Variants in CTU2 observed in about 807,000 individuals in gnomAD.
CTU2 encodes the protein cytosolic thiouridylase subunit 2.
Under a neutral mutation model 64.1 loss-of-function variants are expected in CTU2, and 80 were observed. The ratio of observed to expected loss-of-function variants is 1.25; its 90% CI spans 1.04 to 1.50. CTU2 has a LOEUF of 1.50. CTU2 is among the 40% of genes most tolerant of loss of function. CTU2 has a pLI of 0.00. For synonymous variants in CTU2, 482 were observed against 285.3 expected (o/e 1.69, Z -6.95); for missense variants, 1,110 against 690.2 (o/e 1.61, Z -6.81).
At chr16:88,708,366 C>A (rs1416208666) in intron 2 of CTU2, among the ~76,000 whole-genome samples, 1 of 152,202 alleles carries the variant, frequency 6.6e-6, no homozygotes, top group Non-Finnish European at 1.5e-5. Context: ...CCTTGGCCTT[C>A]CCTGACCCAC....
At chr16:88,711,545 G>C (rs1911319274) in intron 4 of CTU2, 90 bp from the exon 5 acceptor site, 1 of 1,268,804 alleles carries the variant, frequency 7.9e-7, no homozygotes, top group African/African-American at 1.5e-5. Context: ...TTCCAAGATG[G>C]CATTAAATCC....
At chr16:88,708,676 C>T (rs1474317901) in intron 2 of CTU2, among the ~76,000 whole-genome samples, 2 of 152,112 alleles carry the variant, frequency 1.3e-5, no homozygotes, top group Non-Finnish European at 2.9e-5. Context: ...GTCATTCGGC[C>T]TCTTGTACGT....
In CTU2 at chr16:88,714,365, C is replaced by G. The variant is rs756904891; in HGVS notation, c.1098-18C>G. The G allele has an allele frequency of 6.2e-7, 1 of 1,612,014 alleles. No individual in the cohort carries two copies. Among genetic ancestry groups the G allele is most frequent in the South Asian group, 1.1e-5 (1 of 91,066 alleles). The stretch of plus-strand genomic sequence containing the variant: ...CAGCCCGTGTGATTCACCTGCTCCT[C>G]CCACAATCCGGCCACAGGACAAGTG... On this transcript the variant is annotated intron_variant, in intron 10 of 14. Coordinates refer to ENST00000453996, the MANE Select transcript of CTU2 (RefSeq NM_001012759.3).
chr16:88,712,540 C>A, intron 6 of CTU2, 82 bp from the exon 7 acceptor site: 2 of 1,545,108 alleles, frequency 1.3e-6, no homozygotes, highest in Non-Finnish European at 1.7e-6. Context: ...CTGCCGTCTC[C>A]CGCATCCCGG....
At chr16:88,708,251 C>T (rs1018116367) in intron 2 of CTU2, among the ~76,000 whole-genome samples, 5 of 152,206 alleles carry the variant, frequency 3.3e-5, no homozygotes, top group Middle Eastern at 3.2e-3. Context: ...GCTGTGCTTG[C>T]TGGTCCCAAG....
intron 2 of CTU2, among the ~76,000 whole-genome samples, chr16:88,708,761 C>T (rs1046183991): frequency 2.5e-4 from 38 of 152,062 alleles, no homozygotes; most frequent in Non-Finnish European, 4.4e-4. Flanking sequence ...ACTTAGAGCC[C>T]CAGGTGCAGG....
At chr16:88,710,428 G>C (rs577208533) in intron 4 of CTU2, 146 bp downstream of exon 4, 13 of 725,164 alleles carry the variant, frequency 1.8e-5, no homozygotes, top group South Asian at 1.6e-4. Context: ...TCTCAGATGT[G>C]TTCACAACAG....
At chr16:88,706,952 C>G in intron 1 of CTU2, 184 bp from the exon 2 acceptor site, 4 of 607,782 alleles carry the variant, frequency 6.6e-6, no homozygotes, top group South Asian at 2.2e-5. Flanking sequence ...GGCTAAACAT[C>G]CCCCCAGAGC....
chr16:88,711,492 G>A (rs756017339), intron 4 of CTU2, 143 bp from the exon 5 acceptor site: 179 of 815,064 alleles, frequency 2.2e-4, no homozygotes, highest in Middle Eastern at 4.9e-4. Context: ...AGTCTGAATG[G>A]CTTTGTCCAA....
rs75686921 is a variant in CTU2, at chr16:88,714,233, G to C, written c.1097+6G>C. ...ACTGTCAGCACTGTGTACAGGTGTG[G>C]GTGTGTGTGGGTGTGTGCGGGGGGT... is the stretch of plus-strand genomic sequence containing the variant. On this transcript the variant is annotated splice_donor_region_variant and intron_variant, in intron 10 of 14. Transcript: ENST00000453996. 2 of 1,424,804 alleles carry C rather than the reference G, an allele frequency of 1.4e-6. No homozygotes were observed. The highest frequency in any genetic ancestry group is 3.2e-5 in the African/African-American group (1 of 31,196). 88.3% of individuals were successfully genotyped at this position (1,424,804 alleles called of 1,614,324 possible). A position where few individuals can be genotyped will look rare whatever the true frequency, so the allele number is the denominator to read the frequency against.
At chr16:88,709,844 G>A (rs1911172448) in intron 2 of CTU2, 94 bp from the exon 3 acceptor site, 4 of 1,018,714 alleles carry the variant, frequency 3.9e-6, no homozygotes, top group Non-Finnish European at 6.1e-6. Context: ...TAAAGATGGA[G>A]ATTGGCAAAG....
chr16:88,714,061 C>T (rs1911629711), intron 9 of CTU2, 75 bp from the exon 10 acceptor site: 1 of 1,415,660 alleles, frequency 7.1e-7, no homozygotes, highest in Admixed American at 1.7e-5. Flanking sequence ...CCCACGGCAC[C>T]TGTCCTGGGG....
intron 2 of CTU2, 164 bp from the exon 3 acceptor site, chr16:88,709,774 G>T (rs1473567224): frequency 3.0e-6 from 2 of 664,872 alleles, no homozygotes; most frequent in African/African-American, 3.6e-5. Flanking sequence ...CTGCCAGAGG[G>T]GCCAACCCCG....
Position 88,711,627 on chromosome 16 carries a change from C to G in CTU2, c.283-8C>G. 1 of 1,593,766 alleles carries G rather than the reference C, an allele frequency of 6.3e-7. No homozygotes were observed. The highest frequency in any genetic ancestry group is 8.6e-7 in the Non-Finnish European group (1 of 1,166,990). ...TGGGGGCTGAGTCCCTGCTGCTTCT[C>G]CCTCTAGGGCCTGAGCCAAGATTCT... On this transcript the variant is annotated splice_region_variant and splice_polypyrimidine_tract_variant and intron_variant, in intron 4 of 14. Transcript: ENST00000453996.
chr16:88,707,244 C>G (rs1456510882), intron 2 of CTU2, 34 bp downstream of exon 2: 2 of 1,594,868 alleles, frequency 1.3e-6, no homozygotes, highest in Non-Finnish European at 1.7e-6. Context: ...CCCTGGCAAA[C>G]ATGGCCTCGC....
Position 88,707,190 on chromosome 16 carries a change from A to C in CTU2, c.123A>C (p.Arg41=), listed in dbSNP as rs142169570. The C allele has an allele frequency of 1.9e-6, 3 of 1,613,956 alleles. No individual in the cohort carries two copies. The highest frequency in any genetic ancestry group is 4.5e-5 in the East Asian group (2 of 44,886). ...CKEAQPVVVI[R]AGDAFCRDCF... ...AAGCGCAGCCCGTTGTGGTGATACG[A>C]GCCGGAGATGCCTTCTGCAGGTGAG... The change falls in exon 2 of 15, where the codon CGA becomes CGC. Residue 41 remains arginine (R), a synonymous_variant. Transcript: ENST00000453996.
chr16:88,714,945 G>A lies in CTU2; in HGVS notation c.1419+19G>A. 3.1e-6 allele frequency: 5 copies of A among 1,611,018 alleles called. No individual in the cohort carries two copies. The highest frequency in any genetic ancestry group is 3.4e-6 in the Non-Finnish European group (4 of 1,178,840). ...GGACTTGGTGAGTACGTGCCCACCT[G>A]TCCTGGGCCGGGCTTGGGGACGCGG... On this transcript the variant is annotated intron_variant, in intron 13 of 14. Coordinates refer to ENST00000453996, the MANE Select transcript of CTU2 (RefSeq NM_001012759.3).
At position 88,706,542 on chromosome 16, in the gene CTU2, G is replaced by A. The variant is rs1480761822; in HGVS notation, c.12G>A (p.Val4=). ...GACCCGGCGTGCCCATGTGTCAGGT[G>A]GGCGAGGACTACGGGGAGCCGGCGC... MCQ[V]GEDYGEPAPE... is the part of the protein sequence containing the mutation. Residue 4 remains valine, a synonymous_variant, in exon 1 of 15, where the codon GTG becomes GTA. Transcript: ENST00000453996. 2 of 1,458,024 alleles carry A rather than the reference G, an allele frequency of 1.4e-6. No individual in the cohort carries two copies. Among genetic ancestry groups the A allele is most frequent in the Non-Finnish European group, 1.8e-6 (2 of 1,111,988 alleles). 90.3% of individuals were successfully genotyped at this position (1,458,024 alleles called of 1,614,324 possible). A position where few individuals can be genotyped will look rare whatever the true frequency, so the allele number is the denominator to read the frequency against.
rs1911705459 is a variant in CTU2 at position 88,714,447 on chromosome 16, T to TG, written c.1163dup (p.Cys388TrpfsTer14). 2 of 1,612,416 alleles carry TG rather than the reference T, an allele frequency of 1.2e-6. No homozygotes were observed. The highest frequency in any genetic ancestry group is 1.7e-6 in the Non-Finnish European group (2 of 1,179,834). The stretch of plus-strand genomic sequence containing the variant: ...TGCTGCTGGCGACTCCGGCCCCCGC[T>TG]GCCTCCTCTGCATGTGTGCCCTGGA... On this transcript the variant is annotated frameshift_variant, in exon 11 of 15. Coordinates refer to ENST00000453996, the MANE Select transcript of CTU2 (RefSeq NM_001012759.3). LOFTEE classifies it high-confidence loss of function.
Sources: gnomAD v4.1 joint callset for allele counts (sites outside exome capture counted in the v4.1 genomes callset) on GRCh38, gnomAD v4.1.1 for gene constraint, MANE v1.5 for transcripts, NCBI Gene and HGNC (gene_info 2026-07-23, HGNC 2026-07-21) for gene names.